The following BCL2L13 variants were observed in gnomAD, a reference collection of about 807,000 sequenced individuals.
BCL2L13 encodes bcl-2-like protein 13.
Under a neutral mutation model 25.8 loss-of-function variants are expected in BCL2L13, and 13 were observed. The observed-to-expected ratio is 0.50, with a 90% confidence interval of 0.33 to 0.80. The LOEUF is 0.80. Among genes scored for constraint, BCL2L13 ranks in the 30% least tolerant of loss-of-function variants. The pLI, the probability that BCL2L13 is intolerant of heterozygous loss-of-function variation, is 0.02. For synonymous variants in BCL2L13, 244 were observed against 230.3 expected (o/e 1.06, Z -0.54); for missense variants, 504 against 574.9 (o/e 0.88, Z 1.26).
At chr22:17,640,533 G>A (rs1183686280) in intron 1 of BCL2L13, among the ~76,000 whole-genome samples, 1 of 151,954 alleles carries the variant, frequency 6.6e-6, no homozygotes, top group Non-Finnish European at 1.5e-5. Context: ...AAGCTTTTAG[G>A]ACAAGTGGTT....
At chr22:17,664,419 C>A (rs1014721561) in intron 2 of BCL2L13, among the ~76,000 whole-genome samples, 35 of 152,238 alleles carry the variant, frequency 2.3e-4, no homozygotes, top group South Asian at 1.0e-3. Flanking sequence ...ATAGCCACCC[C>A]CCCCCGGCTC....
chr22:17,688,913 A>T (rs1475873077), intron 3 of BCL2L13, 73 bp from the exon 4 acceptor site: 5 of 1,473,764 alleles, frequency 3.4e-6, no homozygotes, highest in Non-Finnish European at 9.2e-7. Flanking sequence ...GATTACAGGC[A>T]TGTGCCACCA....
At chr22:17,702,073 T>TG (rs2145708415) in intron 5 of BCL2L13, among the ~76,000 whole-genome samples, 170 bp from the exon 6 acceptor site, 1 of 152,314 alleles carries the variant, frequency 6.6e-6, no homozygotes, top group South Asian at 2.1e-4. Context: ...AAAACCTACA[T>TG]GCAGTATTCA....
intron 2 of BCL2L13, among the ~76,000 whole-genome samples, chr22:17,674,344 G>T (rs1317075456): frequency 6.6e-6 from 1 of 152,064 alleles, no homozygotes; most frequent in East Asian, 1.9e-4. Context: ...TGCTGGCGGG[G>T]CACAGTGGCT....
intron 3 of BCL2L13, among the ~76,000 whole-genome samples, chr22:17,687,516 T>G (rs958806168): frequency 2.6e-4 from 40 of 151,836 alleles, no homozygotes; most frequent in African/African-American, 9.4e-4. Context: ...ATTATTATTA[T>G]TATTATTTTC....
rs377320728 is a variant in BCL2L13, at chr22:17,684,936, G to C, written c.229+1615G>C. Among the ~76,000 whole-genome samples the C allele has an allele frequency of 1.1e-4, 17 of 152,136 alleles. No individual in the cohort carries two copies. In the East Asian group the frequency reaches 3.3e-3, roughly 29 times the overall value. ...TTTAGTAGAGACGGGGTTTCAGCGT[G>C]TTAGCCAGGATGGTCTCGTTGATCT... On this transcript the variant is annotated intron_variant, in intron 3 of 6. Coordinates refer to ENST00000317582, the MANE Select transcript of BCL2L13 (RefSeq NM_015367.4).
chr22:17,636,358 G>A (rs936935352), upstream of BCL2L13, among the ~76,000 whole-genome samples: 5 of 151,790 alleles, frequency 3.3e-5, no homozygotes, highest in African/African-American at 1.2e-4. Context: ...GCTACATGTG[G>A]TGGCACAAGC....
chr22:17,667,490 T>C, intron 2 of BCL2L13, among the ~76,000 whole-genome samples: 1 of 148,454 alleles, frequency 6.7e-6, no homozygotes, highest in South Asian at 2.1e-4. Flanking sequence ...TTTTTTAAAT[T>C]GAGTTGTAAG....
rs1383460796 is a variant in BCL2L13 at position 17,730,780 on chromosome 22, C to T, written c.*3246C>T. ...GCCCAAATTCCCACACAAGCATTAT[C>T]TCGTTTAACATCTCAGCGACATACT... is the stretch of plus-strand genomic sequence containing the variant. On this transcript the variant is annotated 3_prime_UTR_variant, in exon 7 of 7. Coordinates refer to ENST00000317582, the MANE Select transcript of BCL2L13 (RefSeq NM_015367.4). 6.6e-6 allele frequency: 1 copy of T among 152,046 alleles called. No individual in the cohort carries two copies. The highest frequency in any genetic ancestry group is 1.9e-4 in the East Asian group (1 of 5,190). The allele number at this position is 152,046 out of a possible 1,614,324, so 9.4% of individuals were successfully genotyped here. A position where few individuals can be genotyped will look rare whatever the true frequency, so the allele number is the denominator to read the frequency against.
In BCL2L13 at chr22:17,727,038, A is replaced by G. The variant is rs551684928; in HGVS notation, c.962A>G (p.Glu321Gly). ...GAAGAGGTGCCCGAGGGCATGGAAG[A>G]GGCTGCTGTGGCTTCTGTGGTCTTG... ...EKEEVPEGME[E>G]AAVASVVLPA... Residue 321 changes from glutamate (E) to glycine (G), a missense_variant, in exon 7 of 7, where the codon GAG (glutamate) becomes GGG (glycine). Transcript: ENST00000317582. The G allele has an allele frequency of 3.4e-5, 55 of 1,614,232 alleles. No homozygotes were observed. The African/African-American group carries it at 6.9e-4, about 20-fold the overall frequency.
At chr22:17,655,301 T>C (rs1258206270) in intron 1 of BCL2L13, among the ~76,000 whole-genome samples, 2 of 100,404 alleles carry the variant, frequency 2.0e-5, no homozygotes, top group Non-Finnish European at 5.0e-5. Flanking sequence ...TACAGTTCAC[T>C]TTTTTTTTTT....
chr22:17,630,879 C>T (rs1168368353), intron 1 of BCL2L13, among the ~76,000 whole-genome samples: 1 of 152,066 alleles, frequency 6.6e-6, no homozygotes, highest in Non-Finnish European at 1.5e-5. Context: ...ACGTGAGCCA[C>T]CGCGCCCAGC....
chr22:17,689,475 C>T (rs1334499791), intron 4 of BCL2L13, among the ~76,000 whole-genome samples: 1 of 152,202 alleles, frequency 6.6e-6, no homozygotes, highest in Non-Finnish European at 1.5e-5. Context: ...CTAGTCGTGA[C>T]ATGAATATAA....
chr22:17,714,575 G>A (rs551768450), intron 6 of BCL2L13, among the ~76,000 whole-genome samples: 1 of 152,336 alleles, frequency 6.6e-6, no homozygotes, highest in South Asian at 2.1e-4. Context: ...GGATTCGTTA[G>A]ATCAGCTTAG....
At chr22:17,656,332 A>ATTTTT (rs1568935138) in intron 2 of BCL2L13, among the ~76,000 whole-genome samples, 5 of 70,470 alleles carry the variant, frequency 7.1e-5, no homozygotes, top group African/African-American at 1.2e-4. Flanking sequence ...TTTTCATTTT[A>ATTTTT]TTCTTTTTTT....
At chr22:17,713,252 CTA>C (rs1438018472) in intron 6 of BCL2L13, among the ~76,000 whole-genome samples, 1 of 152,076 alleles carries the variant, frequency 6.6e-6, no homozygotes, top group Non-Finnish European at 1.5e-5. Flanking sequence ...AAGAATGTGA[CTA>C]TGAATTGATT....
chr22:17,675,889 A>C (rs1252833265), intron 2 of BCL2L13, among the ~76,000 whole-genome samples: 2 of 152,346 alleles, frequency 1.3e-5, no homozygotes, highest in East Asian at 3.8e-4. Flanking sequence ...TTGTGTTAAA[A>C]CAGCCTTATT....
chr22:17,724,523 G>A (rs1457267428), intron 6 of BCL2L13, among the ~76,000 whole-genome samples: 1 of 152,192 alleles, frequency 6.6e-6, no homozygotes, highest in Non-Finnish European at 1.5e-5. Flanking sequence ...TGGAGCAAGG[G>A]TCGAGGTAGA....
At chr22:17,635,229 AAAAAACT>A (rs2058085553), upstream of BCL2L13, among the ~76,000 whole-genome samples, 1 of 151,752 alleles carries the variant, frequency 6.6e-6, no homozygotes, top group South Asian at 2.1e-4. Context: ...CTCTACAAAA[AAAAAACT>A]AAAAAATTAA....
Sources: gnomAD v4.1 joint callset for allele counts (sites outside exome capture counted in the v4.1 genomes callset) on GRCh38, gnomAD v4.1.1 for gene constraint, MANE v1.5 for transcripts, NCBI Gene and HGNC (gene_info 2026-07-23, HGNC 2026-07-21) for gene names.